ST6GALNAC3: variants seen among roughly 807,000 people sequenced by gnomAD.
ST6GALNAC3 encodes the protein alpha-N-acetylgalactosaminide alpha-2,6-sialyltransferase 3.
A neutral mutation model predicts 32.7 loss-of-function variants in ST6GALNAC3; 25 were observed. The ratio of observed to expected loss-of-function variants is 0.76; its 90% confidence interval spans 0.56 to 1.07. The LOEUF is 1.07. Among genes scored for constraint, ST6GALNAC3 ranks in the 50% least tolerant of loss-of-function variants. The pLI is 0.00. For missense variants in ST6GALNAC3, 355 were observed against 382.4 expected (o/e 0.93, Z 0.60); for synonymous variants, 129 against 133.1 (o/e 0.97, Z 0.21).
chr1:76,378,664 C>CA (rs1553187351), intron 2 of ST6GALNAC3, among the ~76,000 whole-genome samples: 1 of 101,670 alleles, frequency 9.8e-6, no homozygotes, highest in Admixed American at 1.1e-4. Flanking sequence ...TTCCTTCCCC[C>CA]CCCCAAAAAA....
At chr1:76,334,139 G>T (rs1570865793) in intron 2 of ST6GALNAC3, among the ~76,000 whole-genome samples, 1 of 103,502 alleles carries the variant, frequency 9.7e-6, no homozygotes, top group Non-Finnish European at 1.9e-5. Context: ...AATTTTACTT[G>T]TTGTAAAAAT....
chr1:76,611,637 C>A (rs1471064600), intron 3 of ST6GALNAC3, among the ~76,000 whole-genome samples: 1 of 152,134 alleles, frequency 6.6e-6, no homozygotes, highest in Non-Finnish European at 1.5e-5. Context: ...CTCTACGTTG[C>A]AGGCATATGT....
chr1:76,609,863 G>T (rs941622142), intron 3 of ST6GALNAC3, among the ~76,000 whole-genome samples: 16 of 152,052 alleles, frequency 1.1e-4, no homozygotes, highest in Non-Finnish European at 2.1e-4. Context: ...TATATTAATA[G>T]CTTTCCTTGT....
Position 76,348,173 on chromosome 1 carries a change from GC to G in ST6GALNAC3, c.213+34176del, listed in dbSNP as rs374063092. On this transcript the variant is annotated intron_variant, in intron 2 of 4. Transcript: ENST00000328299. Reference sequence around the variant, plus strand: ...CTACACAGAATACAACTGAAAAATGGCCTCTACTGTTTATTTTCTAACTTTC... The same window carrying G: ...CTACACAGAATACAACTGAAAAATGGCTCTACTGTTTATTTTCTAACTTTC... Among the ~76,000 whole-genome samples the G allele has an allele frequency of 6.8e-3, 1,030 of 152,144 alleles. 7 individuals are homozygous for G. Among genetic ancestry groups the G allele is most frequent in the African/African-American group, 0.024 (1,007 of 41,488 alleles).
intron 3 of ST6GALNAC3, among the ~76,000 whole-genome samples, chr1:76,543,259 C>A (rs1053567062): frequency 6.6e-6 from 1 of 152,176 alleles, no homozygotes; most frequent in African/African-American, 2.4e-5. Context: ...CAACCACTCA[C>A]TCAGGGAAGG....
chr1:76,291,738 GT>G (rs1660107241), intron 1 of ST6GALNAC3, among the ~76,000 whole-genome samples: 1 of 138,038 alleles, frequency 7.2e-6, no homozygotes, highest in Non-Finnish European at 1.7e-5. Context: ...AATATAACTT[GT>G]TTTTTAGGAA....
In ST6GALNAC3 at chr1:76,227,697, T is replaced by C. The variant is rs554775973; in HGVS notation, c.19-86108T>C. On this transcript the variant is annotated intron_variant, in intron 1 of 4. Coordinates refer to ENST00000328299, the MANE Select transcript of ST6GALNAC3 (RefSeq NM_152996.4). ...ATTGACTGTGCGAATTTCTGACTTA[T>C]AGTTTAAAAGTCTCTAGGGAAGAAA... is the stretch of plus-strand genomic sequence containing the variant. Among the ~76,000 whole-genome samples the C allele has an allele frequency of 2.6e-4, 39 of 152,350 alleles. No homozygotes were observed. In the South Asian group the frequency reaches 3.7e-3, roughly 15 times the overall value.
At chr1:76,375,460 A>C (rs990751491) in intron 2 of ST6GALNAC3, among the ~76,000 whole-genome samples, 1 of 152,220 alleles carries the variant, frequency 6.6e-6, no homozygotes, top group Non-Finnish European at 1.5e-5. Flanking sequence ...GTTACAAGCC[A>C]CCAAATAAAG....
chr1:76,095,933 T>G (rs1647124150), intron 1 of ST6GALNAC3, among the ~76,000 whole-genome samples: 1 of 152,150 alleles, frequency 6.6e-6, no homozygotes, highest in Admixed American at 6.5e-5. Context: ...TCTGACATAA[T>G]GGATGAAAAC....
chr1:76,473,792 T>C (rs1052071895), intron 3 of ST6GALNAC3, among the ~76,000 whole-genome samples: 1 of 152,100 alleles, frequency 6.6e-6, no homozygotes, highest in Non-Finnish European at 1.5e-5. Flanking sequence ...CATCAAGAGG[T>C]GGAGTCTACA....
At chr1:76,195,084 A>C (rs1231887499) in intron 1 of ST6GALNAC3, among the ~76,000 whole-genome samples, 4 of 152,222 alleles carry the variant, frequency 2.6e-5, no homozygotes, top group Non-Finnish European at 5.9e-5. Flanking sequence ...TGTACTGGGA[A>C]GCTTTCAAGC....
At position 76,629,094 on chromosome 1, in the gene ST6GALNAC3, T is replaced by C; in HGVS notation, c.*288T>C. ...GGCCAGTGACATGACAACTGTGACC[T>C]AAGAAATGGGAAGATTATCTTTCAA... is the stretch of plus-strand genomic sequence containing the variant. On this transcript the variant is annotated 3_prime_UTR_variant, in exon 5 of 5. Transcript: ENST00000328299. The C allele has an allele frequency of 8.8e-7, 1 of 1,142,000 alleles. No individual in the cohort carries two copies. Among genetic ancestry groups the C allele is most frequent in the Non-Finnish European group, 1.1e-6 (1 of 931,460 alleles). 70.7% of individuals were successfully genotyped at this position (1,142,000 alleles called of 1,614,324 possible). A position where few individuals can be genotyped will look rare whatever the true frequency, so the allele number is the denominator to read the frequency against.
At chr1:76,226,195 A>T (rs575194016) in intron 1 of ST6GALNAC3, among the ~76,000 whole-genome samples, 10 of 152,284 alleles carry the variant, frequency 6.6e-5, no homozygotes, top group African/African-American at 2.2e-4. Flanking sequence ...GAGGGTGTGA[A>T]ATATTGAAAT....
chr1:76,087,417 C>T (rs905063543), intron 1 of ST6GALNAC3, among the ~76,000 whole-genome samples: 1 of 152,090 alleles, frequency 6.6e-6, no homozygotes, highest in Non-Finnish European at 1.5e-5. Context: ...TTATCAAGCA[C>T]TTATAGAGAA....
At chr1:76,131,811 G>C (rs1649628572) in intron 1 of ST6GALNAC3, among the ~76,000 whole-genome samples, 1 of 152,142 alleles carries the variant, frequency 6.6e-6, no homozygotes, top group Admixed American at 6.5e-5. Context: ...GAGGAGGAGT[G>C]TATTTGGCCC....
intron 3 of ST6GALNAC3, among the ~76,000 whole-genome samples, chr1:76,506,668 G>A (rs1225874865): frequency 6.6e-6 from 1 of 152,166 alleles, no homozygotes; most frequent in East Asian, 1.9e-4. Context: ...TTATTCCAAA[G>A]GAGACACTAA....
At chr1:76,237,494 C>A (rs1449306461) in intron 1 of ST6GALNAC3, among the ~76,000 whole-genome samples, 1 of 152,040 alleles carries the variant, frequency 6.6e-6, no homozygotes, top group African/African-American at 2.4e-5. Flanking sequence ...AGAGGCCATT[C>A]AAAAAGATGA....
At chr1:76,371,841 C>T (rs561873437) in intron 2 of ST6GALNAC3, among the ~76,000 whole-genome samples, 1 of 152,256 alleles carries the variant, frequency 6.6e-6, no homozygotes, top group East Asian at 1.9e-4. Flanking sequence ...GTGGTAATTA[C>T]AGGGCTCACA....
chr1:76,185,202 G>T (rs1218100057), intron 1 of ST6GALNAC3, among the ~76,000 whole-genome samples: 2 of 152,144 alleles, frequency 1.3e-5, no homozygotes, highest in Non-Finnish European at 2.9e-5. Context: ...ACGTTATCTA[G>T]TGCTTCTCGA....
Sources: allele counts gnomAD v4.1 joint callset (sites outside exome capture counted in the v4.1 genomes callset), GRCh38; gene constraint gnomAD v4.1.1; transcripts MANE v1.5; gene names NCBI Gene and HGNC (gene_info 2026-07-23, HGNC 2026-07-21).